The following ZNG1B variants were observed in gnomAD, a reference collection of about 807,000 sequenced individuals.
ZNG1B encodes zinc-regulated GTPase metalloprotein activator 1B.
At chr2:113,437,865 C>T in the ZNG1B span, 2 of 1,611,756 alleles carry the variant, frequency 1.2e-6, no homozygotes, top group Non-Finnish European at 1.7e-6. Flanking sequence ...TGCTGTAGGC[C>T]GGAATGTTAC....
chr2:113,440,085 C>T, the ZNG1B span, among the ~76,000 whole-genome samples: 1 of 150,770 alleles, frequency 6.6e-6, no homozygotes, highest in African/African-American at 2.4e-5. Context: ...GGGGTTTCAC[C>T]GTTTTAGCCG....
At chr2:113,438,889 G>A in the ZNG1B span, 22 of 1,184,926 alleles carry the variant, frequency 1.9e-5, no homozygotes, top group African/African-American at 3.1e-5. Flanking sequence ...GGGCCACTTC[G>A]TGACCTTTTA....
the ZNG1B span, chr2:113,445,135 T>A: frequency 6.4e-7 from 1 of 1,553,390 alleles, no homozygotes; most frequent in Admixed American, 1.8e-5. Flanking sequence ...ATATCTAACA[T>A]GAGGATTAAA....
At chr2:113,444,855 C>A in the ZNG1B span, 1 of 1,495,074 alleles carries the variant, frequency 6.7e-7, no homozygotes, top group Non-Finnish European at 9.1e-7. Flanking sequence ...TTTTCACATT[C>A]CTAAGGGTAC....
the ZNG1B span, among the ~76,000 whole-genome samples, chr2:113,467,208 A>G: frequency 1.4e-5 from 2 of 146,904 alleles, no homozygotes; most frequent in Non-Finnish European, 3.0e-5. Flanking sequence ...ATAAACTGCT[A>G]TAAGCATGTG....
At chr2:113,452,045 G>A in the ZNG1B span, among the ~76,000 whole-genome samples, 3 of 152,072 alleles carry the variant, frequency 2.0e-5, no homozygotes, top group Non-Finnish European at 4.4e-5. Flanking sequence ...GTTGTTTCCC[G>A]TTTTGGAGAC....
At chr2:113,468,573 TCTCTTA>T in the ZNG1B span, 2 of 146,942 alleles carry the variant, frequency 1.4e-5, no homozygotes, top group African/African-American at 2.7e-5. Flanking sequence ...TTTACTTCAT[TCTCTTA>T]CTCAGTTTTA....
chr2:113,451,227 A>T, the ZNG1B span, among the ~76,000 whole-genome samples: 1 of 145,492 alleles, frequency 6.9e-6, no homozygotes, highest in Non-Finnish European at 1.5e-5. Flanking sequence ...CTATTTCCCT[A>T]CAACCTCTTA....
chr2:113,438,992 G>A, the ZNG1B span: 3 of 1,144,434 alleles, frequency 2.6e-6, no homozygotes, highest in Non-Finnish European at 3.8e-6. Context: ...ATTTTATAAA[G>A]GAATTTATTT....
At chr2:113,440,704 G>A in the ZNG1B span, among the ~76,000 whole-genome samples, 1 of 147,136 alleles carries the variant, frequency 6.8e-6, no homozygotes, top group Non-Finnish European at 1.5e-5. Flanking sequence ...TAAAACACTG[G>A]AAACAAACCA....
the ZNG1B span, chr2:113,454,787 A>G: frequency 1.3e-6 from 2 of 1,568,890 alleles, no homozygotes; most frequent in African/African-American, 2.7e-5. Flanking sequence ...AAGTAAGTTG[A>G]AAGATTGCTA....
the ZNG1B span, among the ~76,000 whole-genome samples, chr2:113,478,112 G>T: frequency 1.3e-5 from 2 of 152,028 alleles, no homozygotes; most frequent in Admixed American, 1.3e-4. Context: ...AAATAATGCT[G>T]CAATGAATAT....
chr2:113,443,062 G>C, the ZNG1B span, among the ~76,000 whole-genome samples: 2 of 150,908 alleles, frequency 1.3e-5, no homozygotes, highest in Non-Finnish European at 3.0e-5. Flanking sequence ...TCCGCCTCCC[G>C]GGTTCACGCC....
the ZNG1B span, chr2:113,471,221 A>G: frequency 4.2e-6 from 6 of 1,414,074 alleles, no homozygotes; most frequent in African/African-American, 8.6e-5. Flanking sequence ...GACCATACTT[A>G]ATGAGGTATA....
chr2:113,485,167 T>A, the ZNG1B span, among the ~76,000 whole-genome samples: 1 of 145,054 alleles, frequency 6.9e-6, no homozygotes, highest in African/African-American at 2.6e-5. Context: ...TGGTAGGATT[T>A]TTTTGACGGT....
the ZNG1B span, among the ~76,000 whole-genome samples, chr2:113,439,496 G>T: frequency 6.6e-6 from 1 of 152,142 alleles, no homozygotes; most frequent in Non-Finnish European, 1.5e-5. Flanking sequence ...CTGGAGTCTT[G>T]CTGCCCTTTA....
At chr2:113,440,303 GT>G in the ZNG1B span, among the ~76,000 whole-genome samples, 652 of 149,420 alleles carry the variant, frequency 4.4e-3, 5 homozygotes, top group African/African-American at 0.015. Context: ...GTCTTAAAGT[GT>G]TTTTTTTTTC....
chr2:113,449,894 T>G, the ZNG1B span, among the ~76,000 whole-genome samples: 6 of 150,656 alleles, frequency 4.0e-5, no homozygotes, highest in African/African-American at 1.5e-4. Context: ...GTTTCAATGC[T>G]TGCTGTTTTC....
chr2:113,490,156 C>T, the ZNG1B span, among the ~76,000 whole-genome samples: 2 of 151,974 alleles, frequency 1.3e-5, no homozygotes, highest in African/African-American at 4.8e-5. Context: ...AAAATTATAT[C>T]AAGCACTCTC....
Sources: gnomAD v4.1 joint callset for allele counts (sites outside exome capture counted in the v4.1 genomes callset) on GRCh38, gnomAD v4.1.1 for gene constraint, MANE v1.5 for transcripts, NCBI Gene and HGNC (gene_info 2026-07-23, HGNC 2026-07-21) for gene names.